The following KRT39 variants were observed in gnomAD, a reference collection of about 807,000 sequenced individuals.
KRT39 encodes the protein keratin, type I cytoskeletal 39.
KRT39 carries 47 observed loss-of-function variants against 54.8 expected under a neutral mutation model. That is an observed-to-expected ratio of 0.86 (90% CI 0.68 to 1.09). KRT39 has a LOEUF of 1.09. KRT39 is among the 50% of genes least tolerant of loss of function. The probability of loss-of-function intolerance (pLI) is 0.00; values close to 1 mark genes in which losing one functional copy is unlikely to be tolerated. For missense variants in KRT39, 580 were observed against 598.5 expected (o/e 0.97, Z 0.32); for synonymous variants, 207 against 227.9 (o/e 0.91, Z 0.83).
chr17:40,965,046 A>AAT (rs1461834037), intron 1 of KRT39, among the ~76,000 whole-genome samples: 2 of 138,132 alleles, frequency 1.4e-5, no homozygotes, highest in African/African-American at 6.4e-5. Flanking sequence ...AATATAAAAA[A>AAT]AAAAAAAATT....
chr17:40,960,232 G>T (rs772158854), intron 6 of KRT39, 49 bp downstream of exon 6: 2 of 1,527,958 alleles, frequency 1.3e-6, no homozygotes, highest in South Asian at 1.1e-5. Flanking sequence ...ACATATATCT[G>T]CGTTCATTTA....
intron 1 of KRT39, 36 bp from the exon 2 acceptor site, chr17:40,964,564 A>ATCTTGGTGTTTGCTT: frequency 7.1e-7 from 1 of 1,417,504 alleles, no homozygotes; most frequent in Non-Finnish European, 1.0e-6. Flanking sequence ...AATGAAGCAA[A>ATCTTGGTGTTTGCTT]CACCAAGATT....
intron 1 of KRT39, among the ~76,000 whole-genome samples, chr17:40,964,973 G>T (rs1035259349): frequency 7.9e-5 from 12 of 152,076 alleles, no homozygotes; most frequent in African/African-American, 2.9e-4. Flanking sequence ...GAGGCGGGTA[G>T]ATCACGAGGT....
At position 40,958,843 on chromosome 17, in the gene KRT39, G is replaced by C. The variant is rs142466291; in HGVS notation, c.1234C>G (p.Arg412Gly). 1.3e-6 allele frequency: 2 copies of C among 1,598,434 alleles called. No individual in the cohort carries two copies. The highest frequency in any genetic ancestry group is 2.2e-5 in the South Asian group (2 of 89,022). The change falls in exon 7 of 7, where the codon CGT becomes GGT. Residue 412 changes from arginine to glycine, a missense_variant. Arg to Gly is a moderately radical substitution (Grantham distance 125). Transcript: ENST00000355612. ...SSDGKRPCYP[R>G]ATKCEPSPWT... Reference sequence around the variant, plus strand: ...GGGGAAGGCTCACATTTGGTGGCACGTGGGTAACAGGGACGCCTAAGGAAA... The same window carrying C: ...GGGGAAGGCTCACATTTGGTGGCACCTGGGTAACAGGGACGCCTAAGGAAA...
chr17:40,962,716 A>G lies in KRT39; in HGVS notation c.709-153T>C, dbSNP rs781343719. Among the ~76,000 whole-genome samples, 5 of 152,216 alleles carry G rather than the reference A, an allele frequency of 3.3e-5. No homozygotes were observed. The South Asian group carries it at 6.2e-4, about 19-fold the overall frequency. On this transcript the variant is annotated intron_variant, in intron 3 of 6. Coordinates refer to ENST00000355612, the MANE Select transcript of KRT39 (RefSeq NM_213656.4). ...GATTTACAGGTGTTATTGAGATGCTATAAAATGATTTAAGACTCTTTCAGG... is the reference window on the plus strand; with the variant it reads ...GATTTACAGGTGTTATTGAGATGCTGTAAAATGATTTAAGACTCTTTCAGG...
At chr17:40,958,965 G>T in intron 6 of KRT39, 106 bp from the exon 7 acceptor site, 2 of 983,986 alleles carry the variant, frequency 2.0e-6, no homozygotes, top group Non-Finnish European at 3.0e-6. Flanking sequence ...CTCAAGACAA[G>T]TACATACTTC....
intron 3 of KRT39, among the ~76,000 whole-genome samples, chr17:40,963,257 G>A (rs760182999): frequency 2.0e-5 from 3 of 152,172 alleles, no homozygotes; most frequent in Non-Finnish European, 4.4e-5. Context: ...CCTAGTGGGA[G>A]GAGATTGGAT....
chr17:40,965,482 A>G (rs1911351570), intron 1 of KRT39, among the ~76,000 whole-genome samples: 1 of 152,246 alleles, frequency 6.6e-6, no homozygotes, highest in Non-Finnish European at 1.5e-5. Flanking sequence ...GGGACTTTTT[A>G]AAGGTCACCA....
At chr17:40,964,217 C>A in intron 2 of KRT39, 1 of 540,450 alleles carries the variant, frequency 1.9e-6, no homozygotes, top group Non-Finnish European at 3.3e-6. Context: ...TTTTACTGAA[C>A]TATTGTGTAG....
intron 3 of KRT39, among the ~76,000 whole-genome samples, chr17:40,963,065 A>T (rs941582511): frequency 4.6e-5 from 7 of 152,138 alleles, no homozygotes; most frequent in Non-Finnish European, 1.0e-4. Flanking sequence ...TCTTCCCCTT[A>T]TGGCTCCAGA....
chr17:40,965,040 TAA>T (rs1380381378), intron 1 of KRT39, among the ~76,000 whole-genome samples: 1 of 143,946 alleles, frequency 6.9e-6, no homozygotes. Flanking sequence ...ACTAAAAATA[TAA>T]AAAAAAAAAA....
At chr17:40,965,120 C>T (rs1214249820) in intron 1 of KRT39, among the ~76,000 whole-genome samples, 2 of 151,878 alleles carry the variant, frequency 1.3e-5, no homozygotes, top group South Asian at 4.1e-4. Context: ...AGGAGAATGG[C>T]ATGAACCCAG....
rs112167061 is a variant in KRT39 at position 40,963,537 on chromosome 17, C to T, written c.708+90G>A. ...CAGTGTGAGAACGAACTAATACAAG[C>T]GGGCACACCCTTTGTCAGGTGCAAC... is the stretch of plus-strand genomic sequence containing the variant. On this transcript the variant is annotated intron_variant, in intron 3 of 6. Coordinates refer to ENST00000355612, the MANE Select transcript of KRT39 (RefSeq NM_213656.4). The T allele has an allele frequency of 3.7e-3, 4,611 of 1,230,520 alleles. 128 individuals carry two copies. The African/African-American group carries it at 0.06, about 16-fold the overall frequency. The allele number at this position is 1,230,520 out of a possible 1,614,324, so 76.2% of individuals were successfully genotyped here. A position where few individuals can be genotyped will look rare whatever the true frequency, so the allele number is the denominator to read the frequency against.
chr17:40,960,565 G>A, intron 5 of KRT39, 64 bp from the exon 6 acceptor site: 1 of 1,209,516 alleles, frequency 8.3e-7, no homozygotes, highest in Non-Finnish European at 1.2e-6. Flanking sequence ...CCTGTGACCT[G>A]TATCATTTAA....
chr17:40,958,665 C>T lies in KRT39; in HGVS notation c.1412G>A (p.Gly471Glu), dbSNP rs374607946. 3 of 1,613,860 alleles carry T rather than the reference C, an allele frequency of 1.9e-6. No individual in the cohort carries two copies. The highest frequency in any genetic ancestry group is 2.7e-5 in the African/African-American group (2 of 74,898). The stretch of plus-strand genomic sequence containing the variant: ...ATGCTCGTAAGAAGAAATGACCTTC[C>T]CATCCTTAATCTCCTTGGTGATGGT... Reference protein sequence around the residue: ...ICTITKEIKDGKVISSYEHVQ... With the variant: ...ICTITKEIKDEKVISSYEHVQ... Residue 471 changes from glycine (G) to glutamate (E), a missense_variant, in exon 7 of 7, where the codon GGG (glycine) becomes GAG (glutamate). Gly to Glu is a moderately conservative substitution (Grantham distance 98). Transcript: ENST00000355612.
Position 40,960,389 on chromosome 17 carries a change from C to A in KRT39, c.1109G>T (p.Cys370Phe). 6.2e-7 allele frequency: 1 copy of A among 1,614,116 alleles called. No homozygotes were observed. The highest frequency in any genetic ancestry group is 8.5e-7 in the Non-Finnish European group (1 of 1,180,008). ...TTCTTGGTTCTGTCTTTCCAGGGCACACCGGATCTCTGCCAGCTGAGCTTC... is the reference window on the plus strand; with the variant it reads ...TTCTTGGTTCTGTCTTTCCAGGGCAAACCGGATCTCTGCCAGCTGAGCTTC... ...NLEAQLAEIR[C>F]ALERQNQEYE... Residue 370 changes from cysteine to phenylalanine, a missense_variant, in exon 6 of 7, where the codon TGT becomes TTT. Cys to Phe is a radical substitution (Grantham distance 205). Coordinates refer to ENST00000355612, the MANE Select transcript of KRT39 (RefSeq NM_213656.4).
Position 40,966,545 on chromosome 17 carries a change from G to T in KRT39, c.312C>A (p.Asn104Lys). 6.2e-7 allele frequency: 1 copy of T among 1,613,974 alleles called. No individual in the cohort carries two copies. ...TTTGCAGGTAGTTAGCAAGGCGCTC[G>T]TTCAAGATTTGCATGGTCTCCTTCT... Reference protein sequence around the residue: ...SNEKETMQILNERLANYLQKV... With the variant: ...SNEKETMQILKERLANYLQKV... The change falls in exon 1 of 7, where the codon AAC (asparagine) becomes AAA (lysine). Residue 104 changes from asparagine (N) to lysine (K), a missense_variant. Coordinates refer to ENST00000355612, the MANE Select transcript of KRT39 (RefSeq NM_213656.4).
At position 40,966,456 on chromosome 17, in the gene KRT39, T is replaced by C. The variant is rs757476919; in HGVS notation, c.401A>G (p.Lys134Arg). The C allele has an allele frequency of 5.0e-6, 8 of 1,614,182 alleles. No homozygotes were observed. In the South Asian group the frequency reaches 7.7e-5, roughly 16 times the overall value. Residue 134 changes from lysine to arginine, a missense_variant, in exon 1 of 7, where the codon AAA becomes AGA. By Grantham distance (26) the Lys-to-Arg change is conservative (BLOSUM62 2). Coordinates refer to ENST00000355612, the MANE Select transcript of KRT39 (RefSeq NM_213656.4). The part of the protein sequence containing the change: ...LESKIQEESN[K>R]ELPVLCPDYL... ...ATCAGGACATAGAACAGGGAGCTCT[T>C]TGTTACTTTCTTCCTGGATTTTAGA...
chr17:40,964,454 C>G lies in KRT39; in HGVS notation c.543G>C (p.Leu181Phe). The G allele has an allele frequency of 6.2e-7, 1 of 1,614,054 alleles. No individual in the cohort carries two copies. The highest frequency in any genetic ancestry group is 8.5e-7 in the Non-Finnish European group (1 of 1,179,970). Residue 181 changes from leucine (L) to phenylalanine (F), a missense_variant, in exon 2 of 7, where the codon TTG becomes TTC. Coordinates refer to ENST00000355612, the MANE Select transcript of KRT39 (RefSeq NM_213656.4). ...GTGTTGGGTGGGCTTACTTGGCTCT[C>G]AAGTCATCTGCAGTCAGTTTGGTGT... ...IDNTKLTADD[L>F]RAKYEAEVSL...
Sources: allele counts gnomAD v4.1 joint callset (sites outside exome capture counted in the v4.1 genomes callset), GRCh38; gene constraint gnomAD v4.1.1; transcripts MANE v1.5; gene names NCBI Gene and HGNC (gene_info 2026-07-23, HGNC 2026-07-21).